Variants in PALLD observed in about 807,000 individuals in gnomAD.
PALLD encodes the protein palladin.
In PALLD, 61 loss-of-function variants were observed where a neutral mutation model predicts 123.5. That is an observed-to-expected ratio of 0.49 (90% CI 0.40 to 0.61). The LOEUF (loss-of-function observed/expected upper bound fraction) is 0.61, where lower values mean the gene tolerates loss of function less well. PALLD is among the 20% of genes least tolerant of loss of function. The pLI, the probability that PALLD is intolerant of heterozygous loss-of-function variation, is 0.00. For synonymous variants in PALLD, 465 were observed against 496.4 expected (o/e 0.94, Z 0.84); for missense variants, 1,273 against 1,377.0 (o/e 0.92, Z 1.20).
chr4:168,875,384 T>C (rs1257942822), intron 10 of PALLD, among the ~76,000 whole-genome samples: 1 of 152,222 alleles, frequency 6.6e-6, no homozygotes, highest in Non-Finnish European at 1.5e-5. Flanking sequence ...ATGGTAAAAT[T>C]GTGCATTTCA....
At chr4:168,780,603 C>T (rs935488450) in intron 10 of PALLD, among the ~76,000 whole-genome samples, 1 of 152,176 alleles carries the variant, frequency 6.6e-6, no homozygotes, top group African/African-American at 2.4e-5. Context: ...AAAGGGGTGG[C>T]CATGGCAGAC....
intron 2 of PALLD, among the ~76,000 whole-genome samples, chr4:168,663,568 G>C (rs1386661895): frequency 3.3e-5 from 5 of 152,084 alleles, no homozygotes; most frequent in Non-Finnish European, 7.4e-5. Flanking sequence ...CATATGGAGG[G>C]CATGCTCCCA....
At chr4:168,654,876 C>A (rs1345179375) in intron 2 of PALLD, 1 of 152,104 alleles carries the variant, frequency 6.6e-6, no homozygotes, top group African/African-American at 2.4e-5. Flanking sequence ...ACCTGTGTAA[C>A]TAGAACAAGA....
At chr4:168,681,128 T>C (rs1480721344) in intron 3 of PALLD, among the ~76,000 whole-genome samples, 1 of 152,228 alleles carries the variant, frequency 6.6e-6, no homozygotes, top group Non-Finnish European at 1.5e-5. Context: ...AAGAAAGCTA[T>C]TTATAGTAGT....
intron 10 of PALLD, among the ~76,000 whole-genome samples, chr4:168,814,397 G>A (rs6839497): frequency 0.013 from 2,026 of 152,284 alleles, 48 homozygotes; most frequent in African/African-American, 0.047. Context: ...CAGGGACAAT[G>A]AGGGTGGAAA....
chr4:168,785,068 T>C (rs1736506640), intron 10 of PALLD, among the ~76,000 whole-genome samples: 1 of 66,776 alleles, frequency 1.5e-5, no homozygotes, highest in Non-Finnish European at 3.9e-5. Flanking sequence ...CTTTTTTTTT[T>C]TTTTTTTTTT....
At position 168,504,934 on chromosome 4, in the gene PALLD, T is replaced by C. The variant is rs1285218516; in HGVS notation, c.-82-6489T>C. On this transcript the variant is annotated intron_variant, in intron 1 of 21. Coordinates refer to ENST00000505667, the MANE Select transcript of PALLD (RefSeq NM_001166108.2). ...TTTTTAGTCTATTTCATCTTCTGTG[T>C]CTATCACACCGGCATAGAATTACCA... 3.9e-5 allele frequency: 6 copies of C among 152,348 alleles called. No individual in the cohort carries two copies. In the East Asian group the frequency reaches 1.2e-3, roughly 29 times the overall value. The allele number at this position is 152,348 out of a possible 1,614,324, so 9.4% of individuals were successfully genotyped here.
intron 2 of PALLD, among the ~76,000 whole-genome samples, chr4:168,590,215 G>A (rs973105094): frequency 3.9e-5 from 6 of 152,128 alleles, no homozygotes; most frequent in Admixed American, 6.6e-5. Context: ...GGTGGCAGTC[G>A]CCTATAATCC....
chr4:168,725,019 A>G (rs1414459811), intron 10 of PALLD, among the ~76,000 whole-genome samples: 1 of 152,106 alleles, frequency 6.6e-6, no homozygotes, highest in East Asian at 1.9e-4. Context: ...CCATTTCACA[A>G]TGTTCTTTAG....
chr4:168,832,511 C>T (rs1412401320), intron 10 of PALLD, among the ~76,000 whole-genome samples: 1 of 152,248 alleles, frequency 6.6e-6, no homozygotes, highest in Non-Finnish European at 1.5e-5. Flanking sequence ...CCCCACGGCC[C>T]CCCGCCCCTC....
intron 10 of PALLD, among the ~76,000 whole-genome samples, chr4:168,733,716 T>A (rs2150316468): frequency 6.6e-6 from 1 of 152,032 alleles, no homozygotes; most frequent in East Asian, 1.9e-4. Context: ...ACAGAAATGT[T>A]TTTTGTTGTT....
chr4:168,836,878 G>A (rs1475467628), intron 10 of PALLD, among the ~76,000 whole-genome samples: 1 of 152,152 alleles, frequency 6.6e-6, no homozygotes, highest in African/African-American at 2.4e-5. Flanking sequence ...CATAGCTGAA[G>A]TATTCTGTCT....
rs1762590703 is a variant in PALLD, at chr4:168,926,457, A to G, written c.*277A>G. ...GACCAACATATTCCTTTGTCACATT[A>G]TGTAAAAGGCAGAAACATACCTTTG... On this transcript the variant is annotated 3_prime_UTR_variant, in exon 22 of 22. Coordinates refer to ENST00000505667, the MANE Select transcript of PALLD (RefSeq NM_001166108.2). 1 of 1,086,786 alleles carries G rather than the reference A, an allele frequency of 9.2e-7. No individual in the cohort carries two copies. The highest frequency in any genetic ancestry group is 1.6e-5 in the African/African-American group (1 of 64,024). 67.3% of individuals were successfully genotyped at this position (1,086,786 alleles called of 1,614,324 possible). A position where few individuals can be genotyped will look rare whatever the true frequency, so the allele number is the denominator to read the frequency against.
chr4:168,542,088 C>A (rs1428342712), intron 2 of PALLD, among the ~76,000 whole-genome samples: 1 of 152,198 alleles, frequency 6.6e-6, no homozygotes, highest in Admixed American at 6.5e-5. Flanking sequence ...CAAACACACA[C>A]ATACACACAC....
chr4:168,646,348 C>T (rs554780710), intron 2 of PALLD, among the ~76,000 whole-genome samples: 1 of 152,316 alleles, frequency 6.6e-6, no homozygotes, highest in African/African-American at 2.4e-5. Flanking sequence ...GACTTCGGGG[C>T]CACCAGCAAT....
intron 10 of PALLD, among the ~76,000 whole-genome samples, chr4:168,840,149 A>C (rs1428084954): frequency 6.6e-6 from 1 of 152,170 alleles, no homozygotes. Flanking sequence ...TTAAGAGACA[A>C]AATGAATCCA....
chr4:168,825,498 C>G (rs575476074), intron 10 of PALLD, among the ~76,000 whole-genome samples: 2 of 152,116 alleles, frequency 1.3e-5, no homozygotes, highest in Admixed American at 6.6e-5. Flanking sequence ...GCAGAAGATT[C>G]GTGTATTGAT....
chr4:168,809,865 A>G (rs1367416409), intron 10 of PALLD, among the ~76,000 whole-genome samples: 1 of 104,338 alleles, frequency 9.6e-6, no homozygotes, highest in African/African-American at 3.1e-5. Context: ...CTCTGTCTCA[A>G]AAAAAAAAAG....
intron 2 of PALLD, among the ~76,000 whole-genome samples, chr4:168,630,628 C>CA (rs998459724): frequency 3.3e-5 from 5 of 152,124 alleles, no homozygotes; most frequent in African/African-American, 1.2e-4. Flanking sequence ...GTTTCTAATT[C>CA]AAAAATCTGT....
Sources: allele counts gnomAD v4.1 joint callset (sites outside exome capture counted in the v4.1 genomes callset), GRCh38; gene constraint gnomAD v4.1.1; transcripts MANE v1.5; gene names NCBI Gene and HGNC (gene_info 2026-07-23, HGNC 2026-07-21).